SV2C: variants seen among roughly 807,000 people sequenced by gnomAD.
SV2C encodes synaptic vesicle glycoprotein 2C.
A neutral mutation model predicts 79.7 loss-of-function variants in SV2C; 49 were observed. The observed-to-expected ratio is 0.61, with a 90% CI of 0.49 to 0.78. SV2C has a LOEUF of 0.78. SV2C is among the 30% of genes least tolerant of loss of function. SV2C has a pLI of 0.00. For missense variants in SV2C, 833 were observed against 912.9 expected, an observed-to-expected ratio of 0.91 and a Z score of 1.13; for synonymous variants, 334 against 333.2, an observed-to-expected ratio of 1.00 and a Z score of -0.03.
At chr5:76,268,387 G>A (rs1746733141) in intron 4 of SV2C, among the ~76,000 whole-genome samples, 2 of 152,164 alleles carry the variant, frequency 1.3e-5, no homozygotes, top group Non-Finnish European at 2.9e-5. Flanking sequence ...CAGGAGGCAG[G>A]AGCTTCGAGA....
At chr5:76,245,911 AGTGTGT>A (rs58481475) in intron 4 of SV2C, among the ~76,000 whole-genome samples, 3,786 of 145,304 alleles carry the variant, frequency 0.026, 81 homozygotes, top group Middle Eastern at 0.07. Context: ...GAGGCAGGGG[AGTGTGT>A]GTGTGTGTGT....
At chr5:76,043,653 T>A in the SV2C span, among the ~76,000 whole-genome samples, 2 of 152,228 alleles carry the variant, frequency 1.3e-5, no homozygotes, top group Admixed American at 1.3e-4. Flanking sequence ...TTATTATACT[T>A]CAAACTTTAT....
the SV2C span, among the ~76,000 whole-genome samples, chr5:75,879,481 C>G: frequency 6.6e-6 from 1 of 152,132 alleles, no homozygotes. Context: ...GTCTGAAACC[C>G]AGAAGGGTAG....
At chr5:75,981,033 A>T in the SV2C span, among the ~76,000 whole-genome samples, 1 of 152,240 alleles carries the variant, frequency 6.6e-6, no homozygotes, top group Non-Finnish European at 1.5e-5. Context: ...TACAGAATCA[A>T]TGTGCAAAAA....
intron 1 of SV2C, 78 bp downstream of exon 1, chr5:76,083,590 G>C (rs1349743382): frequency 6.6e-6 from 1 of 152,276 alleles, no homozygotes; most frequent in Non-Finnish European, 1.5e-5. Context: ...ACTGGTGGCC[G>C]GGCGCTGCAG....
chr5:76,170,981 CG>C, intron 2 of SV2C: 2 of 231,258 alleles, frequency 8.6e-6, no homozygotes, highest in South Asian at 1.0e-4. Context: ...GCCCGACCGC[CG>C]GGAGGATGGA....
chr5:75,864,570 G>A, the SV2C span, among the ~76,000 whole-genome samples: 1 of 152,162 alleles, frequency 6.6e-6, no homozygotes, highest in South Asian at 2.1e-4. Context: ...CTGGGTAGAT[G>A]TCCCTGCAGA....
At chr5:76,110,908 T>C (rs190732620) in intron 1 of SV2C, among the ~76,000 whole-genome samples, 5 of 152,298 alleles carry the variant, frequency 3.3e-5, no homozygotes, top group Non-Finnish European at 5.9e-5. Context: ...ATCTTAGATA[T>C]GGGTTCACAT....
the SV2C span, among the ~76,000 whole-genome samples, chr5:76,069,429 T>C: frequency 2.6e-5 from 4 of 152,170 alleles, no homozygotes; most frequent in African/African-American, 9.6e-5. Context: ...GCCTCTGACA[T>C]CCCTGATCGT....
At chr5:76,104,936 G>GT (rs1211306213) in intron 1 of SV2C, among the ~76,000 whole-genome samples, 1 of 152,304 alleles carries the variant, frequency 6.6e-6, no homozygotes, top group African/African-American at 2.4e-5. Context: ...CTCGTTTGCA[G>GT]TTTTTTCCCA....
At chr5:76,130,302 C>T (rs1389989921) in intron 1 of SV2C, among the ~76,000 whole-genome samples, 2 of 152,044 alleles carry the variant, frequency 1.3e-5, no homozygotes, top group African/African-American at 4.8e-5. Flanking sequence ...GAGAACCATA[C>T]TCCTGTTTTG....
At chr5:75,983,838 G>C in the SV2C span, among the ~76,000 whole-genome samples, 72 of 152,182 alleles carry the variant, frequency 4.7e-4, no homozygotes, top group Non-Finnish European at 7.5e-4. Context: ...TGTGACCCAA[G>C]GAAAGGACTG....
chr5:76,285,423 G>A, intron 5 of SV2C, 128 bp downstream of exon 5: 3 of 1,376,736 alleles, frequency 2.2e-6, no homozygotes, highest in Non-Finnish European at 2.9e-6. Context: ...AATGATGGAG[G>A]GTTTGGTTTC....
chr5:76,332,946 T>G lies in SV2C; in HGVS notation c.*7399T>G, dbSNP rs1397042061. 6.6e-6 allele frequency: 1 copy of G among 152,248 alleles called. No homozygotes were observed. The highest frequency in any genetic ancestry group is 1.5e-5 in the Non-Finnish European group (1 of 68,040). 9.4% of individuals were successfully genotyped at this position (152,248 alleles called of 1,614,324 possible). A position where few individuals can be genotyped will look rare whatever the true frequency, so the allele number is the denominator to read the frequency against. ...AACCTCATGTGATTCACAAAGGGTT[T>G]CTTTCTGCATTTGTATTGACTCAGA... On this transcript the variant is annotated 3_prime_UTR_variant, in exon 13 of 13. Transcript: ENST00000502798.
the SV2C span, among the ~76,000 whole-genome samples, chr5:75,903,986 G>A: frequency 6.6e-6 from 1 of 152,206 alleles, no homozygotes; most frequent in Non-Finnish European, 1.5e-5. Flanking sequence ...TGAATTAACA[G>A]TGTTGTGAAA....
the SV2C span, among the ~76,000 whole-genome samples, chr5:75,984,648 G>A: frequency 6.7e-6 from 1 of 149,730 alleles, no homozygotes. Flanking sequence ...TGTCTATCTA[G>A]CATCATCATC....
intron 4 of SV2C, among the ~76,000 whole-genome samples, chr5:76,220,294 A>G: frequency 6.6e-6 from 1 of 152,210 alleles, no homozygotes. Context: ...GAAGCTGGAA[A>G]TCAACTGGTG....
chr5:76,058,602 G>A, the SV2C span, among the ~76,000 whole-genome samples: 3 of 152,078 alleles, frequency 2.0e-5, no homozygotes, highest in Non-Finnish European at 4.4e-5. Flanking sequence ...AATCTCTTAA[G>A]ACCTGAAGGA....
chr5:76,234,845 G>A (rs1324911878), intron 4 of SV2C, among the ~76,000 whole-genome samples: 2 of 152,146 alleles, frequency 1.3e-5, no homozygotes, highest in African/African-American at 4.8e-5. Flanking sequence ...AAGGTGACAC[G>A]AGTGAGGGAT....
Sources: allele counts gnomAD v4.1 joint callset (sites outside exome capture counted in the v4.1 genomes callset), GRCh38; gene constraint gnomAD v4.1.1; transcripts MANE v1.5; gene names NCBI Gene and HGNC (gene_info 2026-07-23, HGNC 2026-07-21).